Variants in SPAG16 observed in about 807,000 individuals in gnomAD.
The protein encoded by SPAG16 is sperm-associated antigen 16 protein.
A neutral mutation model predicts 80.4 loss-of-function variants in SPAG16; 86 were observed. The ratio of observed to expected loss-of-function variants is 1.07; its 90% CI spans 0.90 to 1.28. The LOEUF (loss-of-function observed/expected upper bound fraction) is 1.28, where lower values mean the gene tolerates loss of function less well. Ranked by LOEUF, SPAG16 falls within the 50% of genes most tolerant of loss-of-function variation. The pLI is 0.00. For synonymous variants in SPAG16, 294 were observed against 265.9 expected (o/e 1.11, Z -1.03); for missense variants, 870 against 765.3 (o/e 1.14, Z -1.61).
chr2:214,144,355 G>C (rs1282444400), intron 14 of SPAG16, among the ~76,000 whole-genome samples: 2 of 151,952 alleles, frequency 1.3e-5, no homozygotes, highest in African/African-American at 4.8e-5. Flanking sequence ...TTTAATCATT[G>C]TACATGTGTA....
intron 14 of SPAG16, among the ~76,000 whole-genome samples, chr2:214,122,218 G>A (rs952496543): frequency 1.3e-5 from 2 of 151,818 alleles, no homozygotes; most frequent in Admixed American, 1.3e-4. Flanking sequence ...AAAAAAGAAT[G>A]TGTAACTGTA....
intron 9 of SPAG16, among the ~76,000 whole-genome samples, chr2:213,389,374 A>G (rs2067616655): frequency 6.6e-6 from 1 of 152,166 alleles, no homozygotes; most frequent in African/African-American, 2.4e-5. Context: ...CTTAGATATG[A>G]CACAAAAGGC....
chr2:213,893,521 A>C (rs2076869999), intron 11 of SPAG16, among the ~76,000 whole-genome samples: 1 of 152,204 alleles, frequency 6.6e-6, no homozygotes, highest in South Asian at 2.1e-4. Context: ...GAACCTGTTA[A>C]GAGATATGTA....
chr2:213,825,552 C>A (rs1201770609), intron 10 of SPAG16, among the ~76,000 whole-genome samples: 3 of 152,016 alleles, frequency 2.0e-5, no homozygotes, highest in African/African-American at 7.2e-5. Flanking sequence ...GTTAAACCAT[C>A]CTTGCATCCT....
intron 15 of SPAG16, among the ~76,000 whole-genome samples, chr2:214,230,288 C>T (rs1011609549): frequency 2.4e-4 from 36 of 151,886 alleles, no homozygotes; most frequent in African/African-American, 4.8e-4. Flanking sequence ...ATAAACATGA[C>T]GAGGGAAAAG....
intron 10 of SPAG16, among the ~76,000 whole-genome samples, chr2:213,776,831 C>CA (rs963656008): frequency 5.0e-5 from 6 of 118,946 alleles, no homozygotes; most frequent in East Asian, 3.2e-4. Context: ...ATGCCACCCC[C>CA]CCCCCACCCC....
At chr2:213,459,721 A>C (rs752121162) in intron 9 of SPAG16, among the ~76,000 whole-genome samples, 5 of 152,238 alleles carry the variant, frequency 3.3e-5, no homozygotes, top group Admixed American at 6.5e-5. Context: ...GCTCATCTGC[A>C]TGCATGTCGC....
At chr2:213,692,810 GAAAAAAAA>G (rs747223234) in intron 10 of SPAG16, among the ~76,000 whole-genome samples, 1 of 86,212 alleles carries the variant, frequency 1.2e-5, no homozygotes, top group African/African-American at 4.2e-5. Context: ...ACTCGGTCTC[GAAAAAAAA>G]AAAAAAAGAA....
intron 9 of SPAG16, among the ~76,000 whole-genome samples, chr2:213,466,631 T>G (rs1336342829): frequency 6.6e-6 from 1 of 152,188 alleles, no homozygotes; most frequent in Non-Finnish European, 1.5e-5. Context: ...ACCTAGATAC[T>G]TCACTGAAGT....
intron 11 of SPAG16, among the ~76,000 whole-genome samples, chr2:213,901,396 G>C (rs986955855): frequency 1.3e-5 from 2 of 152,254 alleles, no homozygotes; most frequent in South Asian, 4.1e-4. Context: ...CATTTTAAGA[G>C]TAGATGATAC....
intron 10 of SPAG16, among the ~76,000 whole-genome samples, chr2:213,782,881 A>G (rs2070084223): frequency 6.6e-6 from 1 of 152,158 alleles, no homozygotes; most frequent in African/African-American, 2.4e-5. Flanking sequence ...ATCTCATTTA[A>G]CTCTGGGTGC....
At chr2:213,349,276 A>G (rs2065192944) in intron 6 of SPAG16, among the ~76,000 whole-genome samples, 1 of 152,322 alleles carries the variant, frequency 6.6e-6, no homozygotes, top group South Asian at 2.1e-4. Flanking sequence ...AGAAGCTTAA[A>G]AAGAGCAAAT....
chr2:214,041,161 A>T (rs2048985163), intron 13 of SPAG16, among the ~76,000 whole-genome samples: 1 of 147,776 alleles, frequency 6.8e-6, no homozygotes, highest in Non-Finnish European at 1.5e-5. Context: ...TGTCTTTTTA[A>T]ATCCTTTTTT....
intron 12 of SPAG16, among the ~76,000 whole-genome samples, chr2:213,982,824 T>A (rs972572099): frequency 6.6e-6 from 1 of 152,054 alleles, no homozygotes; most frequent in Non-Finnish European, 1.5e-5. Context: ...TGTTTTTGAT[T>A]TGTCAATGGA....
chr2:213,843,258 G>A (rs1461227166), intron 10 of SPAG16, among the ~76,000 whole-genome samples: 1 of 152,092 alleles, frequency 6.6e-6, no homozygotes, highest in Non-Finnish European at 1.5e-5. Flanking sequence ...CAGTACCAGA[G>A]GAATGCTGAT....
chr2:213,551,258 G>A (rs896159547), intron 10 of SPAG16, among the ~76,000 whole-genome samples: 4 of 152,168 alleles, frequency 2.6e-5, no homozygotes, highest in African/African-American at 9.7e-5. Flanking sequence ...GGACCAAGTA[G>A]TCTGGACCAA....
At chr2:214,216,763 A>C (rs2058442403) in intron 15 of SPAG16, among the ~76,000 whole-genome samples, 1 of 152,226 alleles carries the variant, frequency 6.6e-6, no homozygotes, top group Non-Finnish European at 1.5e-5. Flanking sequence ...TCACAACTTC[A>C]TGTTAATTAT....
At chr2:213,930,256 AG>A in intron 12 of SPAG16, 111 bp downstream of exon 12, 1 of 711,352 alleles carries the variant, frequency 1.4e-6, no homozygotes, top group Non-Finnish European at 2.2e-6. Context: ...AAACATTAAA[AG>A]AAACTGTTAG....
chr2:214,237,796 T>C (rs538043029), intron 15 of SPAG16, among the ~76,000 whole-genome samples: 2 of 152,116 alleles, frequency 1.3e-5, no homozygotes, highest in Non-Finnish European at 2.9e-5. Context: ...TAGTATATTA[T>C]AGTGTAAAAG....
Sources: allele counts gnomAD v4.1 joint callset (sites outside exome capture counted in the v4.1 genomes callset), GRCh38; gene constraint gnomAD v4.1.1; transcripts MANE v1.5; gene names NCBI Gene and HGNC (gene_info 2026-07-23, HGNC 2026-07-21).